PVT1: variants seen among roughly 807,000 people sequenced by gnomAD.
PVT1 encodes the protein CXCR4/PVT1 fusion.
intron 3 of PVT1, among the ~76,000 whole-genome samples, chr8:127,970,205 C>G (rs1398299479): frequency 6.6e-6 from 1 of 151,830 alleles, no homozygotes; most frequent in Non-Finnish European, 1.5e-5. Context: ...TTCTCTGTCT[C>G]CTCAGACCCT....
intron 3 of PVT1, among the ~76,000 whole-genome samples, chr8:127,937,937 C>T (rs567298013): frequency 6.6e-6 from 1 of 152,292 alleles, no homozygotes; most frequent in South Asian, 2.1e-4. Flanking sequence ...CTACATGCTC[C>T]GTCTAGTTCA....
At chr8:127,980,783 T>A (rs1816873800) in intron 3 of PVT1, among the ~76,000 whole-genome samples, 2 of 144,446 alleles carry the variant, frequency 1.4e-5, no homozygotes, top group Non-Finnish European at 3.0e-5. Context: ...CACCAAAAAC[T>A]ACAGCTTCTT....
chr8:127,940,703 G>A (rs1473787143), intron 3 of PVT1, among the ~76,000 whole-genome samples: 1 of 151,962 alleles, frequency 6.6e-6, no homozygotes, highest in East Asian at 1.9e-4. Context: ...AGGGCTCAAG[G>A]GGTCCTCCCA....
chr8:128,065,946 A>C (rs757357112), intron 4 of PVT1, among the ~76,000 whole-genome samples: 3 of 152,274 alleles, frequency 2.0e-5, no homozygotes, highest in Non-Finnish European at 4.4e-5. Context: ...TAGGGAGCTT[A>C]GAACCTAGTC....
intron 2 of PVT1, among the ~76,000 whole-genome samples, chr8:127,806,266 T>G (rs1047338088): frequency 2.0e-5 from 3 of 152,042 alleles, no homozygotes; most frequent in Non-Finnish European, 2.9e-5. Flanking sequence ...TTCGAGACCA[T>G]CCTGGCCAAC....
At chr8:127,951,345 A>C (rs1179393461) in intron 3 of PVT1, among the ~76,000 whole-genome samples, 1 of 152,214 alleles carries the variant, frequency 6.6e-6, no homozygotes, top group East Asian at 1.9e-4. Flanking sequence ...CAGTGTCCAC[A>C]GCCGTGTTGT....
At chr8:128,097,521 A>T (rs1035882158) in intron 6 of PVT1, among the ~76,000 whole-genome samples, 5 of 152,172 alleles carry the variant, frequency 3.3e-5, no homozygotes, top group African/African-American at 1.2e-4. Context: ...AAAGCCTAAA[A>T]TATTGACCCT....
chr8:127,921,506 A>G (rs2129866429), intron 3 of PVT1, among the ~76,000 whole-genome samples: 1 of 152,302 alleles, frequency 6.6e-6, no homozygotes, highest in Middle Eastern at 3.4e-3. Flanking sequence ...AAATTAGATC[A>G]TAGTTTAAAA....
intron 5 of PVT1, among the ~76,000 whole-genome samples, chr8:128,081,695 A>C (rs1814181737): frequency 6.6e-6 from 1 of 152,190 alleles, no homozygotes; most frequent in Non-Finnish European, 1.5e-5. Context: ...TGGCACCGTG[A>C]GTATAATAGT....
intron 2 of PVT1, among the ~76,000 whole-genome samples, chr8:127,810,604 T>C (rs1424963803): frequency 6.6e-6 from 1 of 152,184 alleles, no homozygotes; most frequent in Non-Finnish European, 1.5e-5. Context: ...GAAATAGTGA[T>C]CATGGGATCA....
At chr8:128,007,320 T>C (rs1309089383) in intron 4 of PVT1, among the ~76,000 whole-genome samples, 2 of 152,214 alleles carry the variant, frequency 1.3e-5, no homozygotes, top group Admixed American at 1.3e-4. Context: ...TAAATAATTG[T>C]ACTGTGTATA....
intron 5 of PVT1, among the ~76,000 whole-genome samples, chr8:128,077,382 C>T (rs1277489247): frequency 2.0e-5 from 3 of 152,170 alleles, no homozygotes; most frequent in African/African-American, 7.2e-5. Context: ...GACTAACCCT[C>T]TCCTAGCATC....
chr8:127,798,053 A>C (rs1440344939), intron 2 of PVT1, among the ~76,000 whole-genome samples: 1 of 152,182 alleles, frequency 6.6e-6, no homozygotes, highest in East Asian at 1.9e-4. Flanking sequence ...CTGTAATCCC[A>C]GCACTTTGGG....
chr8:127,878,175 G>C (rs1483650093), intron 2 of PVT1, among the ~76,000 whole-genome samples: 1 of 151,548 alleles, frequency 6.6e-6, no homozygotes, highest in Non-Finnish European at 1.5e-5. Flanking sequence ...TCAAACAAAA[G>C]GAAATTGAAA....
intron 3 of PVT1, among the ~76,000 whole-genome samples, chr8:127,980,729 T>C (rs1816873275): frequency 6.6e-6 from 1 of 152,060 alleles, no homozygotes; most frequent in Admixed American, 6.6e-5. Flanking sequence ...GGAGGAACCA[T>C]TCTTTTGAGC....
At chr8:128,010,212 C>T (rs925752178) in intron 4 of PVT1, 2 of 152,032 alleles carry the variant, frequency 1.3e-5, no homozygotes, top group African/African-American at 4.8e-5. Context: ...TTTCAGTGAC[C>T]ATTAGAGTCC....
At chr8:128,063,924 TC>T (rs1289990375) in intron 4 of PVT1, among the ~76,000 whole-genome samples, 1 of 152,188 alleles carries the variant, frequency 6.6e-6, no homozygotes, top group Non-Finnish European at 1.5e-5. Context: ...CCATAATGTA[TC>T]CACTGTGTCC....
chr8:127,953,140 C>T (rs1473980992), intron 3 of PVT1, among the ~76,000 whole-genome samples: 2 of 152,216 alleles, frequency 1.3e-5, no homozygotes, highest in African/African-American at 4.8e-5. Context: ...GAACAAGGAC[C>T]TGTCTGGAAT....
intron 3 of PVT1, among the ~76,000 whole-genome samples, chr8:127,913,924 C>T (rs1815944504): frequency 6.6e-6 from 1 of 152,106 alleles, no homozygotes; most frequent in Non-Finnish European, 1.5e-5. Context: ...TGTCTGTTCT[C>T]TCCAGGCCCA....
Sources: gnomAD v4.1 joint callset for allele counts (sites outside exome capture counted in the v4.1 genomes callset) on GRCh38, gnomAD v4.1.1 for gene constraint, MANE v1.5 for transcripts, NCBI Gene and HGNC (gene_info 2026-07-23, HGNC 2026-07-21) for gene names.